Variants in LMF1 observed in about 807,000 individuals in gnomAD.
The protein encoded by LMF1 is transmembrane protein 112.
Under a neutral mutation model 60.6 loss-of-function variants are expected in LMF1, and 68 were observed. The ratio of observed to expected loss-of-function variants is 1.12; its 90% CI spans 0.92 to 1.37. The LOEUF is 1.37. Ranked by LOEUF, LMF1 falls within the 40% of genes most tolerant of loss-of-function variation. LMF1 has a pLI of 0.00. For synonymous variants in LMF1, 418 were observed against 324.7 expected, an observed-to-expected ratio of 1.29 and a Z score of -3.09; for missense variants, 948 against 767.2, an observed-to-expected ratio of 1.24 and a Z score of -2.78.
At chr16:935,933 C>G (rs751762789) in intron 2 of LMF1, among the ~76,000 whole-genome samples, 49 of 152,368 alleles carry the variant, frequency 3.2e-4, no homozygotes, top group Admixed American at 5.9e-4. Flanking sequence ...TACTGGAGGG[C>G]TCATTCTTCA....
At chr16:925,654 G>A (rs1183254555) in intron 3 of LMF1, among the ~76,000 whole-genome samples, 2 of 152,194 alleles carry the variant, frequency 1.3e-5, no homozygotes, top group African/African-American at 4.8e-5. Flanking sequence ...AGGATCACTT[G>A]AGTCTGCGGA....
intron 2 of LMF1, 133 bp from the exon 3 acceptor site, chr16:934,387 C>A: frequency 2.7e-6 from 3 of 1,125,226 alleles, no homozygotes; most frequent in East Asian, 2.4e-5. Context: ...GCGAGGAGGA[C>A]CTGCCCGCTG....
chr16:859,306 G>A (rs1189410961), intron 10 of LMF1, among the ~76,000 whole-genome samples: 61 of 20,650 alleles, frequency 3.0e-3, no homozygotes, highest in South Asian at 7.1e-3. Context: ...TGGTGTCTCG[G>A]GACGGGTGTG....
rs1225935225 is a variant in LMF1 at position 874,631 on chromosome 16, C to T, written c.898-3290G>A. ...ACTGCGTGGGAGGAGGGAGGCTGCT[C>T]ATGCCGCAACTCCCCAACGGAAGGA... is the stretch of plus-strand genomic sequence containing the variant. On this transcript the variant is annotated intron_variant, in intron 6 of 10. Transcript: ENST00000262301. This position sits in a 1 kb window ranked among gnomAD's most constrained non-coding sequence, Gnocchi z 4.1. Among the ~76,000 whole-genome samples, 2 of 152,158 alleles carry T rather than the reference C, an allele frequency of 1.3e-5. No homozygotes were observed. Among genetic ancestry groups the T allele is most frequent in the East Asian group, 3.9e-4 (2 of 5,182 alleles).
rs984536218 is a variant in LMF1, at chr16:854,392, C to T, written c.*140G>A. On this transcript the variant is annotated 3_prime_UTR_variant, in exon 11 of 11. Coordinates refer to ENST00000262301, the MANE Select transcript of LMF1 (RefSeq NM_022773.4). ...TGTGACAACAGACCCCACCCTGGAC[C>T]CCCGTGCTGGGGGCTGGGTCCCACC... The T allele has an allele frequency of 2.2e-6, 2 of 897,138 alleles. No homozygotes were observed. Among genetic ancestry groups the T allele is most frequent in the African/African-American group, 3.3e-5 (2 of 60,418 alleles). 55.6% of individuals were successfully genotyped at this position (897,138 alleles called of 1,614,324 possible).
At chr16:925,999 A>C (rs2071585715) in intron 3 of LMF1, among the ~76,000 whole-genome samples, 1 of 148,896 alleles carries the variant, frequency 6.7e-6, no homozygotes, top group Admixed American at 6.7e-5. Context: ...GTCTGTATGC[A>C]TGCATGCATG....
Position 870,892 on chromosome 16 carries a change from G to T in LMF1, c.1079-10C>A. On this transcript the variant is annotated splice_polypyrimidine_tract_variant and intron_variant, in intron 7 of 10. Transcript: ENST00000262301. The stretch of plus-strand genomic sequence containing the variant: ...CGCCGCACCACGGAGCCTGGCAGGG[G>T]AGTGACATCTTCCAGGTGGGGCTCC... 2 of 1,599,714 alleles carry T rather than the reference G, an allele frequency of 1.3e-6. No individual in the cohort carries two copies. Among genetic ancestry groups the T allele is most frequent in the Non-Finnish European group, 8.5e-7 (1 of 1,176,468 alleles).
intron 2 of LMF1, among the ~76,000 whole-genome samples, chr16:938,553 GA>G (rs2072007535): frequency 6.6e-6 from 1 of 152,206 alleles, no homozygotes; most frequent in Non-Finnish European, 1.5e-5. Context: ...ATACAACAGA[GA>G]AAATAAAATG....
intron 3 of LMF1, among the ~76,000 whole-genome samples, chr16:932,419 C>G (rs555233910): frequency 3.3e-5 from 5 of 152,224 alleles, no homozygotes; most frequent in Non-Finnish European, 7.3e-5. Context: ...ACCCTCTGAC[C>G]CGCGCACTGG....
chr16:918,897 A>G (rs920752643), intron 3 of LMF1, among the ~76,000 whole-genome samples: 10 of 146,832 alleles, frequency 6.8e-5, no homozygotes, highest in Non-Finnish European at 1.2e-4. Flanking sequence ...CCTGACTCTC[A>G]GCCAGTCCTG....
At position 854,202 on chromosome 16, in the gene LMF1, G is replaced by A. The variant is rs1305426445; in HGVS notation, c.*330C>T. ...ATGGTCAGGGCTGTAGTGGAGGAAG[G>A]TGTCAGGATGGCCATTGTCTCAACT... On this transcript the variant is annotated 3_prime_UTR_variant, in exon 11 of 11. Transcript: ENST00000262301. 1 of 547,682 alleles carries A rather than the reference G, an allele frequency of 1.8e-6. No individual in the cohort carries two copies. 33.9% of individuals were successfully genotyped at this position (547,682 alleles called of 1,614,324 possible). A position where few individuals can be genotyped will look rare whatever the true frequency, so the allele number is the denominator to read the frequency against.
chr16:859,973 G>C (rs2069404926), intron 10 of LMF1, among the ~76,000 whole-genome samples: 1 of 150,964 alleles, frequency 6.6e-6, no homozygotes, highest in African/African-American at 2.5e-5. Flanking sequence ...GTACCGGATG[G>C]GTGTGCAGTG....
At chr16:907,966 T>C (rs998269179) in intron 4 of LMF1, among the ~76,000 whole-genome samples, 1 of 152,246 alleles carries the variant, frequency 6.6e-6, no homozygotes, top group Non-Finnish European at 1.5e-5. Flanking sequence ...GCTGTTCAAC[T>C]CTTGGCACCA....
chr16:877,561 G>A (rs1167045771), intron 6 of LMF1, among the ~76,000 whole-genome samples: 2 of 152,146 alleles, frequency 1.3e-5, no homozygotes, highest in Non-Finnish European at 2.9e-5. Flanking sequence ...AAGTCATCTC[G>A]TGACTGATGG....
In LMF1 at chr16:910,908, C is replaced by T. The variant is rs1475826019; in HGVS notation, c.663+23G>A. On this transcript the variant is annotated intron_variant, in intron 4 of 10. Transcript: ENST00000262301. ...AAGAGCCACCGTTATTCCCCAAACA[C>T]CACGCAGAAGAGCTCCACTTACTGC... 5.6e-6 allele frequency: 9 copies of T among 1,611,468 alleles called. No homozygotes were observed. In the Admixed American group the frequency reaches 1.2e-4, roughly 21 times the overall value.
At chr16:951,064 C>CAG (rs1455243141) in intron 2 of LMF1, among the ~76,000 whole-genome samples, 1 of 60,476 alleles carries the variant, frequency 1.7e-5, no homozygotes, top group Non-Finnish European at 2.9e-5. Flanking sequence ...ATGACAGAGT[C>CAG]AGCCGACAGA....
At chr16:908,412 G>A (rs2071022841) in intron 4 of LMF1, among the ~76,000 whole-genome samples, 1 of 152,102 alleles carries the variant, frequency 6.6e-6, no homozygotes, top group African/African-American at 2.4e-5. Context: ...CCTCAGCCAG[G>A]ACCCTGCCCG....
chr16:954,956 ATCC>A (rs2072639619), intron 1 of LMF1, among the ~76,000 whole-genome samples: 1 of 58,994 alleles, frequency 1.7e-5, no homozygotes, highest in Non-Finnish European at 3.2e-5. Flanking sequence ...CGGTGTGTGC[ATCC>A]ACACACACAC....
At chr16:916,454 A>G (rs891565413) in intron 3 of LMF1, among the ~76,000 whole-genome samples, 2 of 152,350 alleles carry the variant, frequency 1.3e-5, no homozygotes, top group East Asian at 1.9e-4. Flanking sequence ...TTTACAGGTT[A>G]TATTTTAAGC....
Sources: allele counts gnomAD v4.1 joint callset (sites outside exome capture counted in the v4.1 genomes callset), GRCh38; gene constraint gnomAD v4.1.1; non-coding constraint Gnocchi (gnomAD v3.1); transcripts MANE v1.5; gene names NCBI Gene and HGNC (gene_info 2026-07-23, HGNC 2026-07-21).